Variants in ERI3 observed in about 807,000 individuals in gnomAD.
The protein encoded by ERI3 is ERI1 exoribonuclease 3.
A neutral mutation model predicts 44.4 loss-of-function variants in ERI3; 18 were observed. The ratio of observed to expected loss-of-function variants is 0.41; its 90% CI spans 0.28 to 0.60. The LOEUF is 0.60. Among genes scored for constraint, ERI3 ranks in the 20% least tolerant of loss-of-function variants. The pLI is 0.36. For synonymous variants in ERI3, 183 were observed against 164.8 expected (o/e 1.11, Z -0.84); for missense variants, 294 against 435.5 (o/e 0.68, Z 2.89).
At chr1:44,297,880 T>C (rs894656204) in intron 6 of ERI3, among the ~76,000 whole-genome samples, 1 of 152,178 alleles carries the variant, frequency 6.6e-6, no homozygotes, top group African/African-American at 2.4e-5. Context: ...GCACCAATAT[T>C]GAGAAACCCT....
rs766677479 is a variant in ERI3, at chr1:44,252,915, A to G, written c.832-4877T>C. Among the ~76,000 whole-genome samples the G allele has an allele frequency of 2.6e-5, 4 of 152,212 alleles. No individual in the cohort carries two copies. The highest frequency in any genetic ancestry group is 5.9e-5 in the Non-Finnish European group (4 of 68,036). On this transcript the variant is annotated intron_variant, in intron 7 of 8. Transcript: ENST00000372257. The surrounding 1 kb of genome is among the most constrained non-coding windows in gnomAD (Gnocchi z 4.7). Reference sequence around the variant, plus strand: ...CCAGAGTTTTGAAGCCTGTGCTAGCACATTCAGCCTATCCATCCCACCTAG... The same window carrying G: ...CCAGAGTTTTGAAGCCTGTGCTAGCGCATTCAGCCTATCCATCCCACCTAG...
chr1:44,301,760 T>C (rs72891775), intron 6 of ERI3, among the ~76,000 whole-genome samples: 11,368 of 152,240 alleles, frequency 0.075, 1,322 homozygotes, highest in African/African-American at 0.25. Flanking sequence ...TGCGGTCTTC[T>C]AGGTAAAAAG....
intron 7 of ERI3, among the ~76,000 whole-genome samples, chr1:44,278,824 A>G (rs1301897355): frequency 6.6e-6 from 1 of 152,210 alleles, no homozygotes; most frequent in East Asian, 1.9e-4. Flanking sequence ...GCTGGTCTCA[A>G]ACTCCTGACC....
At chr1:44,354,826 C>G in intron 1 of ERI3, 66 bp downstream of exon 1, 1 of 1,310,160 alleles carries the variant, frequency 7.6e-7, no homozygotes, top group Non-Finnish European at 9.8e-7. Context: ...TTCTGCGCAC[C>G]GCGACCCTCA....
At chr1:44,314,149 G>A (rs969852823) in intron 4 of ERI3, among the ~76,000 whole-genome samples, 5 of 112,042 alleles carry the variant, frequency 4.5e-5, no homozygotes, top group Non-Finnish European at 6.2e-5. Flanking sequence ...TTTTTAAAGT[G>A]TGTTGGGGGG....
chr1:44,332,438 G>A (rs893550351), intron 3 of ERI3, among the ~76,000 whole-genome samples: 3 of 152,204 alleles, frequency 2.0e-5, no homozygotes, highest in African/African-American at 7.2e-5. Flanking sequence ...CCCAAGGAAA[G>A]TTCCTGGCCC....
chr1:44,243,257 C>T (rs1395775180), intron 8 of ERI3, among the ~76,000 whole-genome samples: 1 of 152,360 alleles, frequency 6.6e-6, no homozygotes, highest in East Asian at 1.9e-4. Context: ...TGGGATCCTT[C>T]TCCATCCCAG....
chr1:44,285,352 G>A (rs1046367212), intron 6 of ERI3, among the ~76,000 whole-genome samples: 6 of 152,182 alleles, frequency 3.9e-5, no homozygotes, highest in South Asian at 2.1e-4. Context: ...ACTCCAAAGC[G>A]TATGTTCTTT....
chr1:44,224,944 T>A (rs1272779501), intron 8 of ERI3, among the ~76,000 whole-genome samples: 4 of 152,142 alleles, frequency 2.6e-5, no homozygotes, highest in Non-Finnish European at 5.9e-5. Flanking sequence ...TATATATATA[T>A]TTTGTTTTTT....
intron 1 of ERI3, chr1:44,353,143 T>C (rs1646931495): frequency 1.0e-6 from 1 of 985,198 alleles, no homozygotes; most frequent in East Asian, 1.1e-4. Flanking sequence ...CTAAGGAGGC[T>C]CACCTCCTAG....
intron 8 of ERI3, chr1:44,230,343 C>G (rs1000636757): frequency 2.0e-5 from 3 of 152,188 alleles, no homozygotes; most frequent in Admixed American, 1.3e-4. Flanking sequence ...GATGCCACAA[C>G]TAGAAGTGCC....
chr1:44,226,814 C>A (rs1255058666), intron 8 of ERI3, among the ~76,000 whole-genome samples: 1 of 150,430 alleles, frequency 6.6e-6, no homozygotes, highest in Non-Finnish European at 1.5e-5. Flanking sequence ...CACACACACA[C>A]AAACTATCCT....
intron 7 of ERI3, chr1:44,257,042 T>C (rs1644795281): frequency 6.6e-6 from 1 of 152,122 alleles, no homozygotes; most frequent in Non-Finnish European, 1.5e-5. Context: ...TTGTTTTCAT[T>C]ACAATTTCCT....
intron 3 of ERI3, among the ~76,000 whole-genome samples, chr1:44,332,195 C>T (rs1646444309): frequency 6.6e-6 from 1 of 152,106 alleles, no homozygotes; most frequent in Admixed American, 6.5e-5. Context: ...CTTTAAAAGG[C>T]AGCTCAGTGT....
chr1:44,311,307 C>CAATTGTTGTAATTATTCTGATTAGG (rs1645967767), intron 5 of ERI3, among the ~76,000 whole-genome samples: 1 of 152,112 alleles, frequency 6.6e-6, no homozygotes, highest in African/African-American at 2.4e-5. Context: ...GCTTGCACAG[C>CAATTGTTGTAATTATTCTGATTAGG]AGCTATTCAG....
At chr1:44,295,185 G>A (rs1645585080) in intron 6 of ERI3, among the ~76,000 whole-genome samples, 1 of 152,236 alleles carries the variant, frequency 6.6e-6, no homozygotes, top group Non-Finnish European at 1.5e-5. Flanking sequence ...TTCATGGACT[G>A]GGGGAAAAGG....
intron 2 of ERI3, among the ~76,000 whole-genome samples, chr1:44,352,625 T>C (rs1443543831): frequency 6.6e-6 from 1 of 152,206 alleles, no homozygotes; most frequent in Non-Finnish European, 1.5e-5. Flanking sequence ...AGTCTGGATC[T>C]CCCACCTCCA....
At chr1:44,285,003 C>T (rs1572187153) in intron 6 of ERI3, 96 bp from the exon 7 acceptor site, 4 of 1,067,242 alleles carry the variant, frequency 3.7e-6, no homozygotes, top group African/African-American at 1.6e-5. Context: ...ACAAGACAAA[C>T]AGACCTCAAA....
intron 7 of ERI3, among the ~76,000 whole-genome samples, chr1:44,250,114 C>T (rs1180477714): frequency 6.6e-6 from 1 of 152,178 alleles, no homozygotes; most frequent in East Asian, 1.9e-4. Flanking sequence ...AAATCACACC[C>T]GAATTTCAGT....
Sources: gnomAD v4.1 joint callset for allele counts (sites outside exome capture counted in the v4.1 genomes callset) on GRCh38, gnomAD v4.1.1 for gene constraint, Gnocchi (gnomAD v3.1) non-coding constraint, MANE v1.5 for transcripts, NCBI Gene and HGNC (gene_info 2026-07-23, HGNC 2026-07-21) for gene names.